The following PARD3 variants were observed in gnomAD, a reference collection of about 807,000 sequenced individuals.
The protein encoded by PARD3 is partitioning defective 3 homolog.
PARD3 carries 75 observed loss-of-function variants against 155.4 expected under a neutral mutation model. The ratio of observed to expected loss-of-function variants is 0.48; its 90% CI spans 0.40 to 0.58. PARD3 has a LOEUF of 0.58. Among genes scored for constraint, PARD3 ranks in the 20% least tolerant of loss-of-function variants. The probability of loss-of-function intolerance (pLI) is 0.00; values close to 1 mark genes in which losing one functional copy is unlikely to be tolerated. For synonymous variants in PARD3, 576 were observed against 610.5 expected, an observed-to-expected ratio of 0.94 and a Z score of 0.83; for missense variants, 1,642 against 1,721.7, an observed-to-expected ratio of 0.95 and a Z score of 0.82.
At position 34,806,687 on chromosome 10, in the gene PARD3, A is replaced by C. The variant is rs1419181793; in HGVS notation, c.120+8189T>G. On this transcript the variant is annotated intron_variant, in intron 1 of 24. Coordinates refer to ENST00000374788, the MANE Select transcript of PARD3 (RefSeq NM_001184785.2). ...TAGCATCCATTTGACCTGGAGAGCA[A>C]GCCCCGTCATTTCAAAGTTGGGGGG... Among the ~76,000 whole-genome samples, 4 of 152,202 alleles carry C rather than the reference A, an allele frequency of 2.6e-5. No homozygotes were observed. The East Asian group carries it at 5.8e-4, about 22-fold the overall frequency.
intron 22 of PARD3, among the ~76,000 whole-genome samples, chr10:34,171,809 G>A (rs1006872112): frequency 1.4e-4 from 21 of 151,816 alleles, no homozygotes; most frequent in African/African-American, 4.6e-4. Flanking sequence ...AATAAGCCAG[G>A]TGTGGTGGTG....
At chr10:34,773,010 T>C (rs1839089084) in intron 1 of PARD3, among the ~76,000 whole-genome samples, 1 of 152,096 alleles carries the variant, frequency 6.6e-6, no homozygotes, top group South Asian at 2.1e-4. Context: ...ACACAGCAAA[T>C]GAGCAGTTTG....
intron 2 of PARD3, among the ~76,000 whole-genome samples, chr10:34,695,505 G>C (rs1349446771): frequency 1.3e-5 from 2 of 149,046 alleles, no homozygotes; most frequent in Middle Eastern, 3.3e-3. Context: ...AGAATTTGCT[G>C]ACTTCTACAT....
chr10:34,200,845 C>T (rs909937516), intron 22 of PARD3, among the ~76,000 whole-genome samples: 1 of 152,160 alleles, frequency 6.6e-6, no homozygotes, highest in African/African-American at 2.4e-5. Context: ...CTGCAGTGGT[C>T]GACACAGGCA....
At chr10:34,113,420 A>G (rs967137908) in intron 24 of PARD3, among the ~76,000 whole-genome samples, 1 of 152,086 alleles carries the variant, frequency 6.6e-6, no homozygotes, top group Non-Finnish European at 1.5e-5. Flanking sequence ...CTTCAAATTA[A>G]TCAGTATAGA....
chr10:34,445,421 C>T (rs2076687259), intron 5 of PARD3, among the ~76,000 whole-genome samples: 1 of 152,170 alleles, frequency 6.6e-6, no homozygotes, highest in Non-Finnish European at 1.5e-5. Flanking sequence ...GTGGCTTCTA[C>T]TCTTCTAGTA....
At chr10:34,349,687 A>C (rs1017541449) in intron 14 of PARD3, among the ~76,000 whole-genome samples, 1 of 151,750 alleles carries the variant, frequency 6.6e-6, no homozygotes, top group African/African-American at 2.4e-5. Flanking sequence ...AAGTATACCT[A>C]CATAAAGACT....
chr10:34,113,683 C>G (rs1268743458), intron 24 of PARD3, among the ~76,000 whole-genome samples: 1 of 152,106 alleles, frequency 6.6e-6, no homozygotes, highest in African/African-American at 2.4e-5. Context: ...AACTAAGCAT[C>G]CAGCTGGGCA....
chr10:34,115,953 C>G (rs1037807682), intron 24 of PARD3, among the ~76,000 whole-genome samples: 2 of 152,186 alleles, frequency 1.3e-5, no homozygotes, highest in Non-Finnish European at 2.9e-5. Context: ...ACCTTGTGAT[C>G]CGCCTGCCTC....
At chr10:34,287,881 AT>A (rs1466458627) in intron 20 of PARD3, among the ~76,000 whole-genome samples, 1 of 152,182 alleles carries the variant, frequency 6.6e-6, no homozygotes, top group East Asian at 1.9e-4. Context: ...TTGTAAATGT[AT>A]TACCAAACTG....
intron 3 of PARD3, among the ~76,000 whole-genome samples, chr10:34,511,993 A>T (rs961971751): frequency 6.6e-6 from 1 of 152,192 alleles, no homozygotes; most frequent in Non-Finnish European, 1.5e-5. Context: ...AAGCAACTTT[A>T]TGACCTGAAC....
chr10:34,125,923 T>C (rs989250025), intron 23 of PARD3, among the ~76,000 whole-genome samples: 5 of 152,368 alleles, frequency 3.3e-5, no homozygotes, highest in African/African-American at 1.2e-4. Flanking sequence ...CTCAGGTATC[T>C]GCAAAGTTTT....
intron 2 of PARD3, among the ~76,000 whole-genome samples, chr10:34,576,498 A>G (rs2134206363): frequency 6.6e-6 from 1 of 152,302 alleles, no homozygotes; most frequent in East Asian, 1.9e-4. Flanking sequence ...GATGATCTGA[A>G]AAGAACAGGG....
intron 1 of PARD3, among the ~76,000 whole-genome samples, chr10:34,749,341 G>C (rs1430636743): frequency 1.3e-5 from 2 of 152,080 alleles, no homozygotes; most frequent in East Asian, 3.9e-4. Flanking sequence ...AATACAGAAA[G>C]GGGGCAATGT....
At chr10:34,767,848 T>C (rs7099563) in intron 1 of PARD3, among the ~76,000 whole-genome samples, 39,643 of 151,478 alleles carry the variant, frequency 0.26, 5,576 homozygotes, top group East Asian at 0.53. Context: ...CCCAGCTACT[T>C]GGGAGGCTGT....
chr10:34,602,597 G>A (rs1476672731), intron 2 of PARD3, among the ~76,000 whole-genome samples: 1 of 152,198 alleles, frequency 6.6e-6, no homozygotes, highest in East Asian at 1.9e-4. Context: ...TACTGCACAA[G>A]ATGGACTACT....
At chr10:34,189,360 G>C (rs548175556) in intron 22 of PARD3, among the ~76,000 whole-genome samples, 2 of 152,216 alleles carry the variant, frequency 1.3e-5, no homozygotes, top group East Asian at 3.9e-4. Flanking sequence ...TAAAAATGCT[G>C]CTAAGACATT....
chr10:34,754,316 T>C (rs185716676), intron 1 of PARD3, among the ~76,000 whole-genome samples: 166 of 152,336 alleles, frequency 1.1e-3, no homozygotes, highest in African/African-American at 3.5e-3. Context: ...TGGAATTTTT[T>C]ATACTGCTAG....
rs572986573 is a variant in PARD3 at position 34,325,433 on chromosome 10, G to GT, written c.2833+5683dup. Among the ~76,000 whole-genome samples, 3 of 152,182 alleles carry GT rather than the reference G, an allele frequency of 2.0e-5. No individual in the cohort carries two copies. In the South Asian group the frequency reaches 6.2e-4, roughly 32 times the overall value. On this transcript the variant is annotated intron_variant, in intron 19 of 24. Coordinates refer to ENST00000374788, the MANE Select transcript of PARD3 (RefSeq NM_001184785.2). ...GCATCCAGTTGAAGACTCTCAAGCAGTAACACTCAACTCGGCCAATACCTC... is the reference window on the plus strand; with the variant it reads ...GCATCCAGTTGAAGACTCTCAAGCAGTTAACACTCAACTCGGCCAATACCTC...
Sources: gnomAD v4.1 joint callset for allele counts (sites outside exome capture counted in the v4.1 genomes callset) on GRCh38, gnomAD v4.1.1 for gene constraint, MANE v1.5 for transcripts, NCBI Gene and HGNC (gene_info 2026-07-23, HGNC 2026-07-21) for gene names.